CADM2: variants seen among roughly 807,000 people sequenced by gnomAD.
CADM2 encodes the protein immunoglobulin superfamily member 4D.
Under a neutral mutation model 49.8 loss-of-function variants are expected in CADM2, and 12 were observed. The observed-to-expected ratio is 0.24, with a 90% CI of 0.15 to 0.39. CADM2 has a LOEUF of 0.39. Ranked by LOEUF, CADM2 falls within the 10% of genes least tolerant of loss-of-function variation. The probability of loss-of-function intolerance (pLI) is 1.00; values close to 1 mark genes in which losing one functional copy is unlikely to be tolerated. For missense variants in CADM2, 378 were observed against 492.3 expected, an observed-to-expected ratio of 0.77 and a Z score of 2.20; for synonymous variants, 214 against 175.4, an observed-to-expected ratio of 1.22 and a Z score of -1.74.
chr3:85,993,315 G>A (rs984980300), intron 8 of CADM2: 8 of 152,186 alleles, frequency 5.3e-5, no homozygotes, highest in African/African-American at 1.9e-4. Context: ...TAAGTTTGAT[G>A]ATGAGATTAC....
chr3:85,373,321 C>T (rs1189231419), intron 1 of CADM2, among the ~76,000 whole-genome samples: 1 of 152,168 alleles, frequency 6.6e-6, no homozygotes, highest in Non-Finnish European at 1.5e-5. Flanking sequence ...TCTTAAAGCT[C>T]CAGAATGATC....
intron 7 of CADM2, among the ~76,000 whole-genome samples, chr3:85,940,775 G>T (rs534827481): frequency 6.6e-6 from 1 of 152,070 alleles, no homozygotes; most frequent in African/African-American, 2.4e-5. Flanking sequence ...ATAAATCTGC[G>T]GATATTAGTG....
intron 2 of CADM2, among the ~76,000 whole-genome samples, chr3:85,736,298 A>G (rs1426818098): frequency 1.3e-5 from 2 of 152,248 alleles, no homozygotes; most frequent in African/African-American, 4.8e-5. Context: ...TATACGATAT[A>G]TAAATTAATC....
At chr3:85,002,379 G>C (rs1456126619) in intron 1 of CADM2, among the ~76,000 whole-genome samples, 1 of 152,012 alleles carries the variant, frequency 6.6e-6, no homozygotes, top group Admixed American at 6.6e-5. Flanking sequence ...ACAGCAAAAA[G>C]AATTTTCTAC....
At chr3:85,386,354 G>A (rs2034231680) in intron 1 of CADM2, among the ~76,000 whole-genome samples, 1 of 152,126 alleles carries the variant, frequency 6.6e-6, no homozygotes, top group African/African-American at 2.4e-5. Flanking sequence ...AAGGAGAGCA[G>A]GTCCCATCCT....
chr3:85,189,634 G>T (rs2041156754), intron 1 of CADM2, among the ~76,000 whole-genome samples: 1 of 152,132 alleles, frequency 6.6e-6, no homozygotes, highest in Non-Finnish European at 1.5e-5. Flanking sequence ...CAATAAATTT[G>T]AGATAAATTG....
chr3:85,706,043 TTAC>T (rs1409296666), intron 1 of CADM2, among the ~76,000 whole-genome samples: 1 of 152,202 alleles, frequency 6.6e-6, no homozygotes, highest in Non-Finnish European at 1.5e-5. Context: ...TAGAAATAAG[TTAC>T]TTTTATAGAT....
chr3:85,332,385 G>T (rs1328702517), intron 1 of CADM2, among the ~76,000 whole-genome samples: 2 of 152,016 alleles, frequency 1.3e-5, no homozygotes, highest in Non-Finnish European at 2.9e-5. Flanking sequence ...GAATATATTA[G>T]GGAGATCAGA....
rs553070690 is a variant in CADM2, at chr3:85,856,529, A to G, written c.239-26762A>G. Among the ~76,000 whole-genome samples the G allele has an allele frequency of 2.0e-5, 3 of 152,312 alleles. No homozygotes were observed. In the South Asian group the frequency reaches 6.2e-4, roughly 32 times the overall value. On this transcript the variant is annotated intron_variant, in intron 3 of 9. Coordinates refer to ENST00000383699, the MANE Select transcript of CADM2 (RefSeq NM_001167675.2). ...TTTTTCTTCAGAAGCATCATAGGCT[A>G]TTTAATATTTTCTTTTCTTTGTGTT...
At chr3:85,800,993 T>G (rs1164697985) in intron 2 of CADM2, 4 of 152,220 alleles carry the variant, frequency 2.6e-5, no homozygotes, top group Admixed American at 6.5e-5. Flanking sequence ...TGTGATTAAG[T>G]CATTATAGTG....
chr3:85,269,907 A>T (rs1048951087), intron 1 of CADM2, among the ~76,000 whole-genome samples: 1 of 151,338 alleles, frequency 6.6e-6, no homozygotes, highest in African/African-American at 2.4e-5. Flanking sequence ...TACTAGATGT[A>T]TTATTTGCTG....
chr3:85,133,900 G>A (rs9834699), intron 1 of CADM2, among the ~76,000 whole-genome samples: 65,544 of 151,918 alleles, frequency 0.43, 15,644 homozygotes, highest in Non-Finnish European at 0.55. Flanking sequence ...ACTGGGCGCC[G>A]TGGAGCAGGG....
chr3:85,447,170 C>A (rs1349887129), intron 1 of CADM2, among the ~76,000 whole-genome samples: 1 of 150,826 alleles, frequency 6.6e-6, no homozygotes, highest in Non-Finnish European at 1.5e-5. Flanking sequence ...CTCTATAATT[C>A]AAAGGAAAAG....
intron 1 of CADM2, among the ~76,000 whole-genome samples, chr3:85,318,384 T>C (rs959483631): frequency 6.6e-6 from 1 of 151,926 alleles, no homozygotes; most frequent in African/African-American, 2.4e-5. Context: ...GTAACAGAAT[T>C]GGACAAACAG....
intron 1 of CADM2, among the ~76,000 whole-genome samples, chr3:85,076,100 C>T (rs2036931188): frequency 1.3e-5 from 2 of 151,556 alleles, no homozygotes; most frequent in East Asian, 1.9e-4. Flanking sequence ...GTGCCAACTA[C>T]TTTTTTGATG....
chr3:85,706,865 C>T (rs1002599412), intron 1 of CADM2, among the ~76,000 whole-genome samples: 1 of 152,110 alleles, frequency 6.6e-6, no homozygotes, highest in East Asian at 1.9e-4. Context: ...TAATAATTGT[C>T]CTATCCAATA....
intron 1 of CADM2, among the ~76,000 whole-genome samples, chr3:85,119,723 G>A (rs1486973958): frequency 6.6e-6 from 1 of 152,108 alleles, no homozygotes; most frequent in Middle Eastern, 3.2e-3. Context: ...CACTTCTCTT[G>A]TAAGTTTTAT....
At chr3:85,334,418 G>A (rs758810364) in intron 1 of CADM2, among the ~76,000 whole-genome samples, 24 of 151,600 alleles carry the variant, frequency 1.6e-4, no homozygotes, top group Non-Finnish European at 2.8e-4. Context: ...TAAGACAGCC[G>A]TCGCCAGCTC....
At chr3:85,256,955 A>T (rs1050328263) in intron 1 of CADM2, among the ~76,000 whole-genome samples, 8 of 152,172 alleles carry the variant, frequency 5.3e-5, no homozygotes, top group Admixed American at 4.6e-4. Context: ...TTTAACCAAC[A>T]TTTATAGAGG....
Sources: gnomAD v4.1 joint callset for allele counts (sites outside exome capture counted in the v4.1 genomes callset) on GRCh38, gnomAD v4.1.1 for gene constraint, MANE v1.5 for transcripts, NCBI Gene and HGNC (gene_info 2026-07-23, HGNC 2026-07-21) for gene names.